Variants in BACH2 observed in about 807,000 individuals in gnomAD.
BACH2 encodes transcription regulator protein BACH2.
BACH2 carries 5 observed loss-of-function variants against 61.8 expected under a neutral mutation model. The observed-to-expected ratio is 0.08, with a 90% CI of 0.04 to 0.17. The LOEUF (loss-of-function observed/expected upper bound fraction) is 0.17, where lower values mean the gene tolerates loss of function less well. Among genes scored for constraint, BACH2 ranks in the 10% least tolerant of loss-of-function variants. BACH2 has a pLI of 1.00. For synonymous variants in BACH2, 446 were observed against 440.1 expected (o/e 1.01, Z -0.17); for missense variants, 824 against 1,091.1 (o/e 0.76, Z 3.45).
intron 5 of BACH2, among the ~76,000 whole-genome samples, chr6:90,058,822 T>A (rs1323679726): frequency 6.6e-6 from 1 of 152,146 alleles, no homozygotes; most frequent in Non-Finnish European, 1.5e-5. Context: ...TAATGCCGCA[T>A]ATCTACAACT....
At chr6:90,009,033 C>T (rs896026703) in intron 5 of BACH2, among the ~76,000 whole-genome samples, 177 bp from the exon 6 acceptor site, 3 of 152,200 alleles carry the variant, frequency 2.0e-5, no homozygotes, top group Non-Finnish European at 4.4e-5. Context: ...GTACAATGAG[C>T]TCAGGAAACA....
At chr6:90,088,454 G>A (rs1374587037) in intron 5 of BACH2, among the ~76,000 whole-genome samples, 1 of 152,132 alleles carries the variant, frequency 6.6e-6, no homozygotes, top group Non-Finnish European at 1.5e-5. Flanking sequence ...ACTTCCAAAT[G>A]TGAAGGTGCT....
chr6:90,084,010 C>T (rs929654382), intron 5 of BACH2, among the ~76,000 whole-genome samples: 1 of 151,738 alleles, frequency 6.6e-6, no homozygotes, highest in African/African-American at 2.4e-5. Flanking sequence ...CCAGGGTTTA[C>T]ACCCCACCTT....
At chr6:90,125,324 A>T (rs572559787) in intron 4 of BACH2, among the ~76,000 whole-genome samples, 1 of 152,190 alleles carries the variant, frequency 6.6e-6, no homozygotes, top group Non-Finnish European at 1.5e-5. Flanking sequence ...ATCCTTTTCA[A>T]ATGATGCCAC....
intron 6 of BACH2, among the ~76,000 whole-genome samples, chr6:89,960,311 A>T (rs1470428746): frequency 2.6e-5 from 4 of 152,204 alleles, no homozygotes; most frequent in Non-Finnish European, 5.9e-5. Context: ...AGGTGAAGGG[A>T]TTTACCCAAA....
chr6:90,017,330 C>T (rs1778122081), intron 5 of BACH2, among the ~76,000 whole-genome samples: 1 of 152,016 alleles, frequency 6.6e-6, no homozygotes, highest in Non-Finnish European at 1.5e-5. Context: ...AGTGATTCTC[C>T]TGCTTCAGCC....
chr6:90,040,844 A>T (rs920791028), intron 5 of BACH2, among the ~76,000 whole-genome samples: 5 of 152,140 alleles, frequency 3.3e-5, no homozygotes, highest in African/African-American at 1.2e-4. Flanking sequence ...TGTAAATAGG[A>T]TATTAACTTC....
intron 4 of BACH2, among the ~76,000 whole-genome samples, chr6:90,125,667 C>A (rs1278784385): frequency 6.6e-6 from 1 of 152,220 alleles, no homozygotes; most frequent in Admixed American, 6.5e-5. Context: ...ACTTCAGTGG[C>A]ATGTGCAGAC....
At chr6:90,106,951 C>T (rs533283204) in intron 4 of BACH2, among the ~76,000 whole-genome samples, 5 of 152,346 alleles carry the variant, frequency 3.3e-5, no homozygotes, top group Non-Finnish European at 7.3e-5. Flanking sequence ...CAAGTCTTCT[C>T]GCTGGATAGT....
chr6:90,218,520 T>A (rs199665117), intron 3 of BACH2, among the ~76,000 whole-genome samples: 2 of 146,708 alleles, frequency 1.4e-5, no homozygotes, highest in South Asian at 2.2e-4. Context: ...TTTTTTTTTT[T>A]AATTTCCACT....
At chr6:90,291,901 C>T (rs1772191462) in intron 1 of BACH2, among the ~76,000 whole-genome samples, 1 of 152,216 alleles carries the variant, frequency 6.6e-6, no homozygotes, top group Admixed American at 6.5e-5. Flanking sequence ...GCATTGACTT[C>T]TGAACTGTGA....
intron 6 of BACH2, among the ~76,000 whole-genome samples, chr6:90,005,926 C>T (rs113858993): frequency 0.014 from 2,061 of 152,280 alleles, 20 homozygotes; most frequent in Non-Finnish European, 0.018. Context: ...CAACACACAG[C>T]AAATTCTCAC....
At position 90,138,798 on chromosome 6, in the gene BACH2, G is replaced by A. The variant is rs976178447; in HGVS notation, c.-161-49689C>T. On this transcript the variant is annotated intron_variant, in intron 4 of 8. Coordinates refer to ENST00000257749, the MANE Select transcript of BACH2 (RefSeq NM_021813.4). ...AACTCCCAACAGCTCTATCAGGAAT[G>A]GAAACAAACACAATGAGCTGGGGCA... Among the ~76,000 whole-genome samples the A allele has an allele frequency of 3.9e-5, 6 of 152,272 alleles. No individual in the cohort carries two copies. The East Asian group carries it at 5.8e-4, about 15-fold the overall frequency.
chr6:90,025,569 T>A (rs1226229466), intron 5 of BACH2, among the ~76,000 whole-genome samples: 1 of 152,222 alleles, frequency 6.6e-6, no homozygotes. Context: ...TATCAGGGCA[T>A]CTGTGTGAAA....
chr6:90,170,535 C>A (rs1170484826), intron 4 of BACH2, among the ~76,000 whole-genome samples: 2 of 152,202 alleles, frequency 1.3e-5, no homozygotes, highest in South Asian at 2.1e-4. Context: ...TTCTTAAAGA[C>A]CTTTTTGTAA....
chr6:90,010,533 T>C (rs1309402235), intron 5 of BACH2, among the ~76,000 whole-genome samples: 1 of 152,244 alleles, frequency 6.6e-6, no homozygotes, highest in African/African-American at 2.4e-5. Flanking sequence ...CCAGTATTTA[T>C]TTACAAATAA....
intron 2 of BACH2, among the ~76,000 whole-genome samples, chr6:90,269,201 C>T (rs1262194106): frequency 1.3e-5 from 2 of 151,894 alleles, no homozygotes; most frequent in African/African-American, 4.8e-5. Flanking sequence ...CTACTCCGTG[C>T]AGATTCTATT....
At chr6:90,275,687 T>C (rs1319181406) in intron 1 of BACH2, among the ~76,000 whole-genome samples, 3 of 152,110 alleles carry the variant, frequency 2.0e-5, no homozygotes, top group African/African-American at 7.2e-5. Flanking sequence ...CCAGTGCCTG[T>C]TGTTCTGGAT....
At chr6:89,994,955 C>A (rs1447908952) in intron 6 of BACH2, among the ~76,000 whole-genome samples, 3 of 152,146 alleles carry the variant, frequency 2.0e-5, no homozygotes, top group Non-Finnish European at 4.4e-5. Context: ...TATTTTTAAC[C>A]ACAGTGAGAT....
Sources: allele counts gnomAD v4.1 joint callset (sites outside exome capture counted in the v4.1 genomes callset), GRCh38; gene constraint gnomAD v4.1.1; transcripts MANE v1.5; gene names NCBI Gene and HGNC (gene_info 2026-07-23, HGNC 2026-07-21).